Variants in CACNA1H observed in about 807,000 individuals in gnomAD.
The protein encoded by CACNA1H is voltage-dependent T-type calcium channel subunit alpha-1H.
Under a neutral mutation model 192.5 loss-of-function variants are expected in CACNA1H, and 149 were observed. That is an observed-to-expected ratio of 0.77 (90% CI 0.68 to 0.89). The LOEUF is 0.89. CACNA1H is among the 40% of genes least tolerant of loss of function. The pLI is 0.00. For synonymous variants in CACNA1H, 2,202 were observed against 1,475.2 expected (o/e 1.49, Z -11.29); for missense variants, 4,257 against 3,423.5 (o/e 1.24, Z -6.08).
At position 1,167,335 on chromosome 16, in the gene CACNA1H, C is replaced by T. The variant is rs1346265163; in HGVS notation, c.299+13299C>T. ...GATTCCTGACACACGGGTGCGGGGG[C>T]GATATCGGCGCGGAGCGGGCGGGGT... On this transcript the variant is annotated intron_variant, in intron 2 of 34. Transcript: ENST00000348261. The surrounding 1 kb of genome is among the most constrained non-coding windows in gnomAD (Gnocchi z 4.2). Among the ~76,000 whole-genome samples, 3 of 152,054 alleles carry T rather than the reference C, an allele frequency of 2.0e-5. No individual in the cohort carries two copies. The highest frequency in any genetic ancestry group is 7.2e-5 in the African/African-American group (3 of 41,430).
chr16:1,185,193 T>C (rs939678492), intron 2 of CACNA1H, among the ~76,000 whole-genome samples: 15 of 152,196 alleles, frequency 9.9e-5, no homozygotes, highest in Non-Finnish European at 1.6e-4. Flanking sequence ...TTCTTCCTTT[T>C]CATGGCTGAG....
In CACNA1H at chr16:1,195,055, G is replaced by GCGGCTC; in HGVS notation, c.386_391dup (p.Gly129_Ser130dup). Reference sequence around the variant, plus strand: ...TTCCGGCCCTGTGAGGACGTTGAGTGCGGCTCCGAGCGCTGCAACATCCTG... The same window carrying GCGGCTC: ...TTCCGGCCCTGTGAGGACGTTGAGTGCGGCTCCGGCTCCGAGCGCTGCAACATCCTG... On this transcript the variant is annotated inframe_insertion, in exon 3 of 35. Transcript: ENST00000348261. The GCGGCTC allele has an allele frequency of 6.2e-7, 1 of 1,608,948 alleles. No individual in the cohort carries two copies. Among genetic ancestry groups the GCGGCTC allele is most frequent in the Non-Finnish European group, 8.5e-7 (1 of 1,177,170 alleles).
At chr16:1,200,187 T>C in intron 6 of CACNA1H, 69 bp from the exon 7 acceptor site, 1 of 1,298,542 alleles carries the variant, frequency 7.7e-7, no homozygotes, top group Non-Finnish European at 1.1e-6. Context: ...CTGATCACAA[T>C]CGTGCCCCCG....
chr16:1,185,610 G>C (rs1323699194), intron 2 of CACNA1H, among the ~76,000 whole-genome samples: 176 of 114,874 alleles, frequency 1.5e-3, no homozygotes, highest in Middle Eastern at 4.3e-3. Context: ...GTGCGTAGGG[G>C]CCGGAGGCGG....
rs969684771 is a variant in CACNA1H, at chr16:1,218,696, C to T, written c.5887+45C>T. ...GATATGGGCTGGGTGGGAAGCAGGA[C>T]AGGGAGGAAGATGGGGGCAGGTGGG... On this transcript the variant is annotated intron_variant, in intron 33 of 34. Transcript: ENST00000348261. The T allele has an allele frequency of 1.6e-5, 23 of 1,453,732 alleles. No homozygotes were observed. The African/African-American group carries it at 3.5e-4, about 22-fold the overall frequency. 90.1% of individuals were successfully genotyped at this position (1,453,732 alleles called of 1,614,324 possible).
At chr16:1,218,153 C>A (rs995232685) in intron 32 of CACNA1H, 57 bp from the exon 33 acceptor site, 1 of 1,534,174 alleles carries the variant, frequency 6.5e-7, no homozygotes, top group Non-Finnish European at 8.8e-7. Flanking sequence ...ACGGCACTGC[C>A]AGGGTGGCAC....
At chr16:1,178,552 C>T (rs1461643401) in intron 2 of CACNA1H, among the ~76,000 whole-genome samples, 1 of 152,142 alleles carries the variant, frequency 6.6e-6, no homozygotes, top group Non-Finnish European at 1.5e-5. Context: ...GGACAGCAGC[C>T]GCAGGAGGAG....
intron 4 of CACNA1H, 60 bp from the exon 5 acceptor site, chr16:1,195,866 G>A: frequency 3.8e-6 from 5 of 1,329,172 alleles, no homozygotes; most frequent in Non-Finnish European, 5.4e-6. Context: ...TTGCACCCCA[G>A]CCCCACCCTG....
Position 1,215,285 on chromosome 16 carries a change from G to A in CACNA1H, c.5083G>A (p.Gly1695Ser), listed in dbSNP as rs946594196. Reference sequence around the variant, plus strand: ...GGCCATCGTGCTGCTGTCACTCATGGGCATCACGCTGGAGGAGATAGAGAT... The same window carrying A: ...GGCCATCGTGCTGCTGTCACTCATGAGCATCACGCTGGAGGAGATAGAGAT... ...DLAIVLLSLM[G>S]ITLEEIEMSA... is the part of the protein sequence containing the mutation. Residue 1695 changes from glycine (G) to serine (S), a missense_variant, in exon 29 of 35, where the codon GGC becomes AGC. By Grantham distance (56) the Gly-to-Ser change is moderately conservative (BLOSUM62 0). Coordinates refer to ENST00000348261, the MANE Select transcript of CACNA1H (RefSeq NM_021098.3). 2.6e-5 allele frequency: 42 copies of A among 1,608,662 alleles called. No homozygotes were observed. Among genetic ancestry groups the A allele is most frequent in the Non-Finnish European group, 3.4e-5 (40 of 1,178,058 alleles).
intron 2 of CACNA1H, among the ~76,000 whole-genome samples, chr16:1,181,598 C>T (rs1235524356): frequency 1.3e-5 from 2 of 152,254 alleles, no homozygotes; most frequent in South Asian, 2.1e-4. Context: ...TGAAAAGTTC[C>T]CAAATCAAGC....
At chr16:1,196,531 C>G (rs890661342) in intron 5 of CACNA1H, among the ~76,000 whole-genome samples, 1 of 152,232 alleles carries the variant, frequency 6.6e-6, no homozygotes, top group Admixed American at 6.5e-5. Flanking sequence ...CTGCTTCTGG[C>G]CCCTACTCTC....
chr16:1,195,375 G>T, intron 3 of CACNA1H, 57 bp from the exon 4 acceptor site: 1 of 1,547,150 alleles, frequency 6.5e-7, no homozygotes, highest in South Asian at 1.2e-5. Context: ...GCTGGGGTTG[G>T]GGGTTGTGGG....
chr16:1,179,900 A>G (rs949629571), intron 2 of CACNA1H, among the ~76,000 whole-genome samples: 7 of 150,014 alleles, frequency 4.7e-5, no homozygotes, highest in South Asian at 2.1e-4. Flanking sequence ...ACGCCCAGCT[A>G]ATTGTTTTGT....
rs746322724 is a variant in CACNA1H at position 1,209,323 on chromosome 16, G to A, written c.3655G>A (p.Gly1219Arg). 39 of 1,597,902 alleles carry A rather than the reference G, an allele frequency of 2.4e-5. No individual in the cohort carries two copies. The highest frequency in any genetic ancestry group is 1.7e-4 in the Middle Eastern group (1 of 6,054). ...LPPTKCRDRD[G>R]QVVALPSDFF... ...GCCTACCAAGTGCCGCGATCGCGAC[G>A]GGCAGGTGGTGGCCCTGCCCAGCGA... is the stretch of plus-strand genomic sequence containing the variant. The change falls in exon 17 of 35, where the codon GGG becomes AGG. Residue 1219 changes from glycine to arginine, a missense_variant. Coordinates refer to ENST00000348261, the MANE Select transcript of CACNA1H (RefSeq NM_021098.3).
chr16:1,205,201 T>C lies in CACNA1H; in HGVS notation c.2539T>C (p.Cys847Arg). Residue 847 changes from cysteine (C) to arginine (R), a missense_variant, in exon 11 of 35, where the codon TGC becomes CGC. Cys to Arg is a radical substitution (Grantham distance 180). Coordinates refer to ENST00000348261, the MANE Select transcript of CACNA1H (RefSeq NM_021098.3). ...ALEMLLKLLA[C>R]GPLGYIRNPY... ...GGAGATGCTGCTGAAGCTGCTGGCC[T>C]GCGGCCCTCTGGGCTACATCCGGAA... 8.1e-6 allele frequency: 13 copies of C among 1,613,020 alleles called. No individual in the cohort carries two copies. Among genetic ancestry groups the C allele is most frequent in the Non-Finnish European group, 1.1e-5 (13 of 1,179,748 alleles).
chr16:1,200,893 G>A (rs570410721), intron 8 of CACNA1H, 85 bp downstream of exon 8: 294 of 1,019,686 alleles, frequency 2.9e-4, no homozygotes, highest in Admixed American at 4.2e-4. Context: ...TGGTCATAGG[G>A]GCTCCTGTCT....
chr16:1,208,977 A>G, intron 16 of CACNA1H, 55 bp from the exon 17 acceptor site: 3 of 1,401,884 alleles, frequency 2.1e-6, no homozygotes, highest in Non-Finnish European at 2.8e-6. Flanking sequence ...CCGTAATGAC[A>G]GCGGTCGGTG....
rs1968988212 is a variant in CACNA1H at position 1,208,238 on chromosome 16, G to C, written c.3363+17G>C. ...AAGCCTCCGGTAGGGACCATCTCCT[G>C]CCCCAGCTCTCAGGCCCCTTCAGGT... On this transcript the variant is annotated intron_variant, in intron 16 of 34. Transcript: ENST00000348261. 1 of 1,534,282 alleles carries C rather than the reference G, an allele frequency of 6.5e-7. No individual in the cohort carries two copies.
rs1241787377 is a variant in CACNA1H, at chr16:1,180,619, G to T, written c.300-14353G>T. ...GGCTGCTCTCCATAGTGTGTCGGGT[G>T]GGGAGTGGCCCACCTGGCCTTGGCT... On this transcript the variant is annotated intron_variant, in intron 2 of 34. Coordinates refer to ENST00000348261, the MANE Select transcript of CACNA1H (RefSeq NM_021098.3). The surrounding 1 kb of genome is among the most constrained non-coding windows in gnomAD (Gnocchi z 4.4). Among the ~76,000 whole-genome samples the T allele has an allele frequency of 6.6e-6, 1 of 152,148 alleles. No homozygotes were observed. The highest frequency in any genetic ancestry group is 2.4e-5 in the African/African-American group (1 of 41,444).
Sources: gnomAD v4.1 joint callset for allele counts (sites outside exome capture counted in the v4.1 genomes callset) on GRCh38, gnomAD v4.1.1 for gene constraint, Gnocchi (gnomAD v3.1) non-coding constraint, MANE v1.5 for transcripts, NCBI Gene and HGNC (gene_info 2026-07-23, HGNC 2026-07-21) for gene names.